MYO16: variants seen among roughly 807,000 people sequenced by gnomAD.
MYO16 encodes myosin XVI.
Under a neutral mutation model 205.3 loss-of-function variants are expected in MYO16, and 94 were observed. The ratio of observed to expected loss-of-function variants is 0.46; its 90% CI spans 0.39 to 0.54. MYO16 has a LOEUF of 0.54. Ranked by LOEUF, MYO16 falls within the 20% of genes least tolerant of loss-of-function variation. The pLI is 0.00. For synonymous variants in MYO16, 988 were observed against 954.0 expected, an observed-to-expected ratio of 1.04 and a Z score of -0.66; for missense variants, 2,315 against 2,387.5, an observed-to-expected ratio of 0.97 and a Z score of 0.63.
chr13:108,735,138 G>A (rs1884646979), intron 4 of MYO16, among the ~76,000 whole-genome samples: 1 of 152,086 alleles, frequency 6.6e-6, no homozygotes, highest in Admixed American at 6.6e-5. Flanking sequence ...TATACTTTAA[G>A]TTCTAGGGTA....
the MYO16 span, among the ~76,000 whole-genome samples, chr13:108,524,538 A>G: frequency 6.6e-6 from 1 of 152,150 alleles, no homozygotes; most frequent in East Asian, 1.9e-4. Context: ...TTTAAAAATA[A>G]ATTATCCAGT....
chr13:108,506,022 G>A, the MYO16 span, among the ~76,000 whole-genome samples: 1 of 152,164 alleles, frequency 6.6e-6, no homozygotes, highest in East Asian at 1.9e-4. Flanking sequence ...TGGTCTTTAT[G>A]TCTGTTTTTA....
At position 109,127,297 on chromosome 13, in the gene MYO16, T is replaced by C; in HGVS notation, c.3798T>C (p.Ser1266=). ...TCCCCCTAAGAACCGATGACAAGAG[T>C]GGACCCAGGCATTTCCACCCCAGCT... The part of the protein sequence containing the change: ...EEGSKRTDDK[S]GPRHFHPSSM... Residue 1266 remains serine (S), a synonymous_variant, in exon 31 of 35, where the codon AGT becomes AGC. Transcript: ENST00000457511. The surrounding 1 kb of genome is among the most constrained non-coding windows in gnomAD (Gnocchi z 4.2). 6.3e-7 allele frequency: 1 copy of C among 1,590,114 alleles called. No individual in the cohort carries two copies. Among genetic ancestry groups the C allele is most frequent in the Non-Finnish European group, 8.6e-7 (1 of 1,163,468 alleles).
chr13:109,052,484 T>G lies in MYO16; in HGVS notation c.3048+9T>G. 1 of 1,558,786 alleles carries G rather than the reference T, an allele frequency of 6.4e-7. No individual in the cohort carries two copies. Among genetic ancestry groups the G allele is most frequent in the Non-Finnish European group, 8.7e-7 (1 of 1,144,174 alleles). ...ATCTAGAACTTAGTAAGGTAGGAGT[T>G]TTTATGATTATTGTTGGATTATTTT... On this transcript the variant is annotated intron_variant, in intron 25 of 34. Coordinates refer to ENST00000457511, the MANE Select transcript of MYO16 (RefSeq NM_001198950.3).
chr13:108,621,790 G>A (rs1879552710), intron 1 of MYO16, among the ~76,000 whole-genome samples: 1 of 152,124 alleles, frequency 6.6e-6, no homozygotes, highest in African/African-American at 2.4e-5. Flanking sequence ...AGAAGAGTGA[G>A]TACAGTACAG....
chr13:109,197,761 C>CTCTT (rs1880219849), intron 34 of MYO16, among the ~76,000 whole-genome samples: 1 of 152,134 alleles, frequency 6.6e-6, no homozygotes, highest in African/African-American at 2.4e-5. Context: ...AATCTCTTTA[C>CTCTT]TCTTTGAGCT....
chr13:108,639,288 T>A (rs1880396720), intron 1 of MYO16, among the ~76,000 whole-genome samples: 2 of 152,002 alleles, frequency 1.3e-5, no homozygotes, highest in African/African-American at 4.8e-5. Flanking sequence ...ATTTATAAGG[T>A]GGAATTAACA....
Position 108,674,109 on chromosome 13 carries a change from G to C in MYO16, c.292+7960G>C, listed in dbSNP as rs149785372. On this transcript the variant is annotated intron_variant, in intron 2 of 34. Transcript: ENST00000457511. ...GATAGGCTGGACATCTCTTCATTTAGAAGTTCATAGGTAAATCATTAGGAC... is the reference window on the plus strand; with the variant it reads ...GATAGGCTGGACATCTCTTCATTTACAAGTTCATAGGTAAATCATTAGGAC... Among the ~76,000 whole-genome samples the C allele has an allele frequency of 2.6e-3, 394 of 152,226 alleles. 4 individuals are homozygous for C. The highest frequency in any genetic ancestry group is 6.8e-3 in the Middle Eastern group (2 of 294).
intron 29 of MYO16, among the ~76,000 whole-genome samples, chr13:109,120,883 T>G (rs1190689465): frequency 6.6e-5 from 10 of 151,950 alleles, no homozygotes; most frequent in Admixed American, 5.9e-4. Context: ...GATCCCCATC[T>G]CTCAAAAAAT....
the MYO16 span, among the ~76,000 whole-genome samples, chr13:108,534,070 A>G: frequency 6.6e-6 from 1 of 152,312 alleles, no homozygotes; most frequent in African/African-American, 2.4e-5. Flanking sequence ...AAGAATTGAA[A>G]CGGTGCTTGT....
intron 27 of MYO16, among the ~76,000 whole-genome samples, chr13:109,079,290 T>C (rs1037777448): frequency 2.0e-5 from 3 of 152,152 alleles, no homozygotes; most frequent in African/African-American, 7.2e-5. Context: ...TTCAGTTGTC[T>C]CAGGAGGGAG....
chr13:109,025,243 C>A (rs767650432), intron 23 of MYO16, among the ~76,000 whole-genome samples: 2 of 152,204 alleles, frequency 1.3e-5, no homozygotes, highest in African/African-American at 4.8e-5. Context: ...TCCAGCCCCA[C>A]CTGGAGGGAC....
intron 11 of MYO16, among the ~76,000 whole-genome samples, chr13:108,856,545 A>G (rs1026358057): frequency 6.6e-6 from 1 of 152,192 alleles, no homozygotes; most frequent in Non-Finnish European, 1.5e-5. Context: ...AAGTGGTGAG[A>G]GCTGATTACT....
At chr13:109,204,547 C>T (rs1880523202) in intron 34 of MYO16, among the ~76,000 whole-genome samples, 1 of 152,182 alleles carries the variant, frequency 6.6e-6, no homozygotes, top group Non-Finnish European at 1.5e-5. Flanking sequence ...GAACATGGTA[C>T]AGGGGACTCT....
chr13:108,714,592 CTGTGTGTGTGTG>C (rs572376937), intron 3 of MYO16, among the ~76,000 whole-genome samples: 1 of 146,680 alleles, frequency 6.8e-6, no homozygotes, highest in Middle Eastern at 3.2e-3. Flanking sequence ...GTGTGTGTGT[CTGTGTGTGTGTG>C]TGTGTGTGTA....
intron 14 of MYO16, among the ~76,000 whole-genome samples, chr13:108,890,104 A>ATTTTTTTTTTT (rs60627565): frequency 1.4e-3 from 133 of 94,868 alleles, no homozygotes; most frequent in East Asian, 2.3e-3. Context: ...TAATTTTTGT[A>ATTTTTTTTTTT]TTTTTTTTTT....
chr13:108,732,289 A>C lies in MYO16; in HGVS notation c.507+4706A>C, dbSNP rs948561717. ...GGAGTCAGCAGTGAGCACAAGCAGAAAAAGCCCTGCCTTTTAGAGCTTACA... is the reference window on the plus strand; with the variant it reads ...GGAGTCAGCAGTGAGCACAAGCAGACAAAGCCCTGCCTTTTAGAGCTTACA... On this transcript the variant is annotated intron_variant, in intron 4 of 34. Coordinates refer to ENST00000457511, the MANE Select transcript of MYO16 (RefSeq NM_001198950.3). Among the ~76,000 whole-genome samples the C allele has an allele frequency of 2.6e-5, 4 of 152,218 alleles. No individual in the cohort carries two copies. In the East Asian group the frequency reaches 7.7e-4, roughly 29 times the overall value.
chr13:108,961,715 C>G, intron 18 of MYO16, 59 bp downstream of exon 18: 2 of 1,339,590 alleles, frequency 1.5e-6, no homozygotes, highest in Non-Finnish European at 2.1e-6. Flanking sequence ...TGTAGATCTA[C>G]CAGTAGATGG....
intron 11 of MYO16, among the ~76,000 whole-genome samples, chr13:108,856,405 T>C (rs527518236): frequency 6.6e-6 from 1 of 152,308 alleles, no homozygotes; most frequent in Non-Finnish European, 1.5e-5. Context: ...AAGTAATAAA[T>C]TGTCAAATGC....
Sources: allele counts gnomAD v4.1 joint callset (sites outside exome capture counted in the v4.1 genomes callset), GRCh38; gene constraint gnomAD v4.1.1; non-coding constraint Gnocchi (gnomAD v3.1); transcripts MANE v1.5; gene names NCBI Gene and HGNC (gene_info 2026-07-23, HGNC 2026-07-21).